Variants in DAAM1 observed in about 807,000 individuals in gnomAD.
DAAM1 encodes disheveled-associated activator of morphogenesis 1.
In DAAM1, 52 loss-of-function variants were observed where a neutral mutation model predicts 130.0. The ratio of observed to expected loss-of-function variants is 0.40; its 90% CI spans 0.32 to 0.50. The LOEUF (loss-of-function observed/expected upper bound fraction) is 0.50, where lower values mean the gene tolerates loss of function less well. Ranked by LOEUF, DAAM1 falls within the 20% of genes least tolerant of loss-of-function variation. The probability of loss-of-function intolerance (pLI) is 0.61; values close to 1 mark genes in which losing one functional copy is unlikely to be tolerated. For missense variants in DAAM1, 1,134 were observed against 1,303.8 expected (o/e 0.87, Z 2.01); for synonymous variants, 452 against 444.5 (o/e 1.02, Z -0.21).
chr14:59,336,185 A>G (rs527427573), intron 15 of DAAM1, among the ~76,000 whole-genome samples: 1 of 152,346 alleles, frequency 6.6e-6, no homozygotes, highest in Non-Finnish European at 1.5e-5. Flanking sequence ...ATTAAAAACC[A>G]TTCATGTAAA....
rs924410992 is a variant in DAAM1, at chr14:59,227,947, G to A, written c.-37-35494G>A. Among the ~76,000 whole-genome samples, 3 of 152,226 alleles carry A rather than the reference G, an allele frequency of 2.0e-5. No homozygotes were observed. The East Asian group carries it at 5.8e-4, about 29-fold the overall frequency. ...CCAGTTTGTATCTCTGCCACACACCGAAACAGTTGAGGCAGGAGTCTTCTA... is the reference window on the plus strand; with the variant it reads ...CCAGTTTGTATCTCTGCCACACACCAAAACAGTTGAGGCAGGAGTCTTCTA... On this transcript the variant is annotated intron_variant, in intron 1 of 24. Transcript: ENST00000360909.
At position 59,209,711 on chromosome 14, in the gene DAAM1, G is replaced by A. The variant is rs1217365285; in HGVS notation, c.-38+20943G>A. Reference sequence around the variant, plus strand: ...CTAAGCTATAGTGTTCAGCAGGTTGGTGTATTAAATGTATTTTCAACTTAC... The same window carrying A: ...CTAAGCTATAGTGTTCAGCAGGTTGATGTATTAAATGTATTTTCAACTTAC... On this transcript the variant is annotated intron_variant, in intron 1 of 24. Transcript: ENST00000360909. 5.3e-5 allele frequency among the ~76,000 whole-genome samples: 8 copies of A among 152,156 alleles called. No individual in the cohort carries two copies. The East Asian group carries it at 1.5e-3, about 29-fold the overall frequency.
chr14:59,289,785 A>G lies in DAAM1; in HGVS notation c.184-1432A>G, dbSNP rs376384492. Among the ~76,000 whole-genome samples the G allele has an allele frequency of 2.9e-3, 136 of 47,432 alleles. 7 individuals carry two copies. Among genetic ancestry groups the G allele is most frequent in the African/African-American group, 0.014 (131 of 9,688 alleles). 31.1% of individuals were successfully genotyped at this position (47,432 alleles called of 152,430 possible). Reference sequence around the variant, plus strand: ...AAAATGTGATATATATATATATATAATGGAATGCTATGCAATCATAAAAGG... The same window carrying G: ...AAAATGTGATATATATATATATATAGTGGAATGCTATGCAATCATAAAAGG... On this transcript the variant is annotated intron_variant, in intron 2 of 24. Transcript: ENST00000360909.
At chr14:59,235,873 T>G (rs1296886108) in intron 1 of DAAM1, among the ~76,000 whole-genome samples, 1 of 152,140 alleles carries the variant, frequency 6.6e-6, no homozygotes, top group Non-Finnish European at 1.5e-5. Context: ...CCAATTGCTT[T>G]GAAAGAGTTA....
At chr14:59,269,509 A>T (rs558998766) in intron 2 of DAAM1, among the ~76,000 whole-genome samples, 1 of 152,360 alleles carries the variant, frequency 6.6e-6, no homozygotes, top group Non-Finnish European at 1.5e-5. Flanking sequence ...AAATTTCTGC[A>T]GGCCCCACTT....
intron 1 of DAAM1, among the ~76,000 whole-genome samples, chr14:59,198,324 G>C (rs1469904149): frequency 6.6e-6 from 1 of 151,154 alleles, no homozygotes; most frequent in African/African-American, 2.4e-5. Flanking sequence ...TCCTGCCTCA[G>C]CCTCCCAAGT....
chr14:59,208,717 G>T (rs1306103495), intron 1 of DAAM1, among the ~76,000 whole-genome samples: 2 of 152,122 alleles, frequency 1.3e-5, no homozygotes, highest in African/African-American at 4.8e-5. Flanking sequence ...ATGTCGAAAT[G>T]TAATCCCCAA....
intron 2 of DAAM1, among the ~76,000 whole-genome samples, chr14:59,272,560 G>A (rs1011970935): frequency 4.6e-5 from 7 of 151,750 alleles, no homozygotes; most frequent in African/African-American, 1.5e-4. Context: ...CTGGGCAGCA[G>A]AGCAAGACTG....
chr14:59,361,244 CTTCTCAGTT>C (rs1186291912), intron 22 of DAAM1, among the ~76,000 whole-genome samples: 1 of 152,184 alleles, frequency 6.6e-6, no homozygotes, highest in East Asian at 1.9e-4. Context: ...CTCTGTAGAA[CTTCTCAGTT>C]GTTTTTGACT....
chr14:59,300,506 AC>A (rs1398919697), intron 3 of DAAM1, among the ~76,000 whole-genome samples: 7 of 152,328 alleles, frequency 4.6e-5, no homozygotes, highest in Admixed American at 6.5e-5. Context: ...ACCTCTGATA[AC>A]TTTCCTCTCA....
chr14:59,267,900 C>A (rs1454193551), intron 2 of DAAM1, among the ~76,000 whole-genome samples: 2 of 99,722 alleles, frequency 2.0e-5, no homozygotes, highest in South Asian at 5.0e-4. Context: ...ATACGCCCCC[C>A]CCTTTTTTTT....
intron 15 of DAAM1, 136 bp downstream of exon 15, chr14:59,332,056 G>A (rs564546444): frequency 2.0e-5 from 14 of 716,248 alleles, no homozygotes; most frequent in South Asian, 1.3e-4. Flanking sequence ...GTGCATGTCC[G>A]TGTCTCCGTC....
At chr14:59,325,560 A>T in intron 8 of DAAM1, 104 bp from the exon 9 acceptor site, 2 of 964,780 alleles carry the variant, frequency 2.1e-6, no homozygotes, top group East Asian at 2.5e-5. Flanking sequence ...TTTTTGAGAT[A>T]TCTCTGAAAA....
intron 23 of DAAM1, 85 bp downstream of exon 23, chr14:59,363,867 A>G: frequency 6.4e-7 from 1 of 1,560,990 alleles, no homozygotes; most frequent in Non-Finnish European, 8.6e-7. Flanking sequence ...TGTACGGGAA[A>G]TAGCAGGAGT....
At chr14:59,325,239 T>C (rs1033894823) in intron 8 of DAAM1, among the ~76,000 whole-genome samples, 1 of 152,164 alleles carries the variant, frequency 6.6e-6, no homozygotes, top group African/African-American at 2.4e-5. Flanking sequence ...CCTGGGTGTG[T>C]AGAATACATA....
chr14:59,330,645 A>G lies in DAAM1; in HGVS notation c.1517A>G (p.Gln506Arg). The change falls in exon 13 of 25, where the codon CAG becomes CGG. Residue 506 changes from glutamine (Q) to arginine (R), a missense_variant. Around this residue, in one of 3 missense-constraint regions of DAAM1, gnomAD observed 644 missense variants for 695.9 expected, o/e 0.93. Coordinates refer to ENST00000360909, the MANE Select transcript of DAAM1 (RefSeq NM_001270520.2). ...ACTACTGAGCATAAGCAAGTCAAGCAGCAGGTGGCGGACCTCACAGCACAG... is the reference window on the plus strand; with the variant it reads ...ACTACTGAGCATAAGCAAGTCAAGCGGCAGGTGGCGGACCTCACAGCACAG... ...KETTEHKQVK[Q>R]QVADLTAQLH... 1 of 1,613,976 alleles carries G rather than the reference A, an allele frequency of 6.2e-7. No homozygotes were observed. The highest frequency in any genetic ancestry group is 8.5e-7 in the Non-Finnish European group (1 of 1,179,964).
Position 59,369,042 on chromosome 14 carries a change from A to C in DAAM1, c.*183A>C. On this transcript the variant is annotated 3_prime_UTR_variant, in exon 25 of 25. Transcript: ENST00000360909. The stretch of plus-strand genomic sequence containing the variant: ...ATTAAAAAATGTATATAGATGTCTG[A>C]GTGTTGTCTGGAGACCTATACGTAT... The C allele has an allele frequency of 5.1e-6, 3 of 586,928 alleles. No homozygotes were observed. The South Asian group carries it at 6.7e-5, about 13-fold the overall frequency. 36.4% of individuals were successfully genotyped at this position (586,928 alleles called of 1,614,324 possible).
At chr14:59,286,377 CAA>C (rs936204676) in intron 2 of DAAM1, among the ~76,000 whole-genome samples, 9 of 151,904 alleles carry the variant, frequency 5.9e-5, no homozygotes, top group Non-Finnish European at 1.2e-4. Context: ...ACTAGAAAAA[CAA>C]GAGCAAGTCA....
At chr14:59,215,547 TG>T (rs1285746650) in intron 1 of DAAM1, among the ~76,000 whole-genome samples, 3 of 152,182 alleles carry the variant, frequency 2.0e-5, no homozygotes, top group African/African-American at 4.8e-5. Flanking sequence ...GCTGCAGGCT[TG>T]TTAAAGGCCT....
Sources: allele counts gnomAD v4.1 joint callset (sites outside exome capture counted in the v4.1 genomes callset), GRCh38; gene constraint gnomAD v4.1.1; regional missense constraint gnomAD v4.1.1; transcripts MANE v1.5; gene names NCBI Gene and HGNC (gene_info 2026-07-23, HGNC 2026-07-21).